The following RUNX1 variants were observed in gnomAD, a reference collection of about 807,000 sequenced individuals.
The protein encoded by RUNX1 is runt-related transcription factor 1.
In RUNX1, 19 loss-of-function variants were observed where a neutral mutation model predicts 42.8. The ratio of observed to expected loss-of-function variants is 0.44; its 90% CI spans 0.31 to 0.65. RUNX1 has a LOEUF of 0.65. Among genes scored for constraint, RUNX1 ranks in the 30% least tolerant of loss-of-function variants. RUNX1 has a pLI of 0.07. For missense variants in RUNX1, 528 were observed against 672.0 expected (o/e 0.79, Z 2.37); for synonymous variants, 271 against 289.4 (o/e 0.94, Z 0.64).
intron 8 of RUNX1, among the ~76,000 whole-genome samples, chr21:34,795,470 C>T (rs1259689347): frequency 6.6e-6 from 1 of 152,190 alleles, no homozygotes; most frequent in East Asian, 1.9e-4. Context: ...ATACACTCCT[C>T]ATCAGAGGTA....
chr21:34,887,257 G>GGGGGGGGGGGGGGGT, intron 3 of RUNX1, 161 bp from the exon 4 acceptor site: 3 of 1,309,542 alleles, frequency 2.3e-6, no homozygotes, highest in South Asian at 1.6e-5. Context: ...GGGGGCGGGG[G>GGGGGGGGGGGGGGGT]TGGTTAGGGG....
At chr21:34,918,789 C>T (rs902010668) in intron 2 of RUNX1, among the ~76,000 whole-genome samples, 3 of 152,074 alleles carry the variant, frequency 2.0e-5, no homozygotes, top group Non-Finnish European at 4.4e-5. Flanking sequence ...GCCTGTAGTC[C>T]CAGCTACTGG....
chr21:34,976,276 T>C (rs2058801271), intron 2 of RUNX1, among the ~76,000 whole-genome samples: 1 of 152,188 alleles, frequency 6.6e-6, no homozygotes, highest in Non-Finnish European at 1.5e-5. Context: ...CAAGAGTATA[T>C]CATCAACTGC....
At chr21:34,868,059 G>T (rs565770932) in intron 5 of RUNX1, among the ~76,000 whole-genome samples, 2 of 152,328 alleles carry the variant, frequency 1.3e-5, no homozygotes, top group African/African-American at 4.8e-5. Context: ...AGGAAGGCTT[G>T]GGGGGCGTCA....
chr21:34,986,175 G>A (rs1298686234), intron 2 of RUNX1, among the ~76,000 whole-genome samples: 2 of 151,972 alleles, frequency 1.3e-5, no homozygotes, highest in Non-Finnish European at 2.9e-5. Flanking sequence ...AGCCCAGACT[G>A]TTTTGGCTGA....
At chr21:34,953,148 C>T (rs982120586) in intron 2 of RUNX1, among the ~76,000 whole-genome samples, 3 of 151,002 alleles carry the variant, frequency 2.0e-5, no homozygotes, top group Middle Eastern at 3.2e-3. Context: ...TTTAAATCTA[C>T]GTTTTACAGC....
intron 5 of RUNX1, among the ~76,000 whole-genome samples, chr21:34,877,885 C>T (rs1298563941): frequency 6.6e-6 from 1 of 152,136 alleles, no homozygotes; most frequent in Non-Finnish European, 1.5e-5. Context: ...TTACTAGGCC[C>T]CTTGGAGAAT....
chr21:34,933,960 C>T (rs1308809792), intron 2 of RUNX1, among the ~76,000 whole-genome samples: 1 of 152,184 alleles, frequency 6.6e-6, no homozygotes, highest in Non-Finnish European at 1.5e-5. Flanking sequence ...CAGTGGCTAC[C>T]TGGGGGTTCC....
chr21:34,836,516 T>C (rs1408252979), intron 6 of RUNX1, among the ~76,000 whole-genome samples: 2 of 152,206 alleles, frequency 1.3e-5, no homozygotes, highest in African/African-American at 4.8e-5. Context: ...GCAGTTTTCT[T>C]GCAGAAAAAC....
Position 34,877,818 on chromosome 21 carries a change from G to C in RUNX1, c.508+2739C>G, listed in dbSNP as rs1297038649. On this transcript the variant is annotated intron_variant, in intron 5 of 8. Transcript: ENST00000675419. ...TTCTATGAGGTTTACAATCCCCATG[G>C]ACTGGCAGCTGGTCACAGAAAGAGA... Among the ~76,000 whole-genome samples the C allele has an allele frequency of 2.6e-5, 4 of 152,136 alleles. No homozygotes were observed. In the East Asian group the frequency reaches 7.7e-4, roughly 29 times the overall value.
intron 2 of RUNX1, among the ~76,000 whole-genome samples, chr21:35,017,630 A>G (rs2059168798): frequency 6.6e-6 from 1 of 152,160 alleles, no homozygotes; most frequent in Non-Finnish European, 1.5e-5. Context: ...CTATCAAATG[A>G]GCAGGGAACG....
intron 7 of RUNX1, chr21:34,821,477 C>T (rs2056907135): frequency 7.0e-7 from 1 of 1,432,202 alleles, no homozygotes; most frequent in Admixed American, 2.3e-5. Context: ...GTGTTAGGAA[C>T]TATTATTGTT....
rs1040575589 is a variant in RUNX1 at position 34,826,404 on chromosome 21, T to C, written c.805+8006A>G. On this transcript the variant is annotated intron_variant, in intron 7 of 8. Coordinates refer to ENST00000675419, the MANE Select transcript of RUNX1 (RefSeq NM_001754.5). ...GGACTTCCCTGCCTCCAGAACCATA[T>C]GAAATAAATTTCTTTTGTTTTCTTT... is the stretch of plus-strand genomic sequence containing the variant. Among the ~76,000 whole-genome samples the C allele has an allele frequency of 3.3e-5, 5 of 151,756 alleles. No homozygotes were observed. In the South Asian group the frequency reaches 1.0e-3, roughly 32 times the overall value.
intron 8 of RUNX1, among the ~76,000 whole-genome samples, chr21:34,799,084 C>T (rs533886735): frequency 6.6e-6 from 1 of 152,330 alleles, no homozygotes; most frequent in African/African-American, 2.4e-5. Flanking sequence ...GTCTAAGGAA[C>T]CTACTTCTCC....
chr21:34,933,575 G>A (rs1053429797), intron 2 of RUNX1, among the ~76,000 whole-genome samples: 7 of 152,142 alleles, frequency 4.6e-5, no homozygotes, highest in African/African-American at 1.4e-4. Flanking sequence ...AAATACTGTT[G>A]TTTTACTGTG....
At chr21:35,006,745 C>G (rs1283786877) in intron 2 of RUNX1, among the ~76,000 whole-genome samples, 1 of 152,170 alleles carries the variant, frequency 6.6e-6, no homozygotes, top group Non-Finnish European at 1.5e-5. Flanking sequence ...GTCACCACAT[C>G]TTTTGATCCT....
At chr21:34,994,626 A>C (rs1199363959) in intron 2 of RUNX1, among the ~76,000 whole-genome samples, 1 of 152,054 alleles carries the variant, frequency 6.6e-6, no homozygotes, top group Non-Finnish European at 1.5e-5. Flanking sequence ...TATGCACCTA[A>C]ATGCCTAGGT....
At chr21:34,794,162 AAC>A (rs1314854711) in intron 8 of RUNX1, among the ~76,000 whole-genome samples, 6 of 152,116 alleles carry the variant, frequency 3.9e-5, no homozygotes, top group Non-Finnish European at 8.8e-5. Flanking sequence ...TGTTACTACT[AAC>A]ACAATATGTT....
At chr21:34,915,294 A>G (rs538084498) in intron 2 of RUNX1, among the ~76,000 whole-genome samples, 1 of 152,356 alleles carries the variant, frequency 6.6e-6, no homozygotes, top group South Asian at 2.1e-4. Flanking sequence ...TGAAGGGAAG[A>G]ATTAATGACT....
Sources: allele counts gnomAD v4.1 joint callset (sites outside exome capture counted in the v4.1 genomes callset), GRCh38; gene constraint gnomAD v4.1.1; transcripts MANE v1.5; gene names NCBI Gene and HGNC (gene_info 2026-07-23, HGNC 2026-07-21).